The following NBPF26 variants were observed in gnomAD, a reference collection of about 807,000 sequenced individuals.
The protein encoded by NBPF26 is NBPF member 26.
NBPF26 carries 79 observed loss-of-function variants against 119.6 expected under a neutral mutation model. The ratio of observed to expected loss-of-function variants is 0.66; its 90% CI spans 0.55 to 0.80. The LOEUF is 0.80. Among genes scored for constraint, NBPF26 ranks in the 30% least tolerant of loss-of-function variants. The pLI is 0.00. For missense variants in NBPF26, 800 were observed against 1,198.2 expected (o/e 0.67, Z 4.91); for synonymous variants, 299 against 457.7 (o/e 0.65, Z 4.43).
downstream of NBPF26, chr1:120,840,694 A>T (rs1553273621): frequency 9.2e-6 from 12 of 1,303,310 alleles, no homozygotes; most frequent in East Asian, 1.6e-4. Flanking sequence ...GCCCAGACAT[A>T]GGATGGTTCA....
rs1210410475 is a variant in NBPF26, at chr1:120,767,832, G to T, written c.155+4123G>T. ...TCACTAGGATTCTGGGGGTAGGTTA[G>T]GTTATGATTTGTATAATTGACAAAA... On this transcript the variant is annotated intron_variant, in intron 2 of 29. Coordinates refer to ENST00000620612, the Ensembl canonical transcript of NBPF26. Among the ~76,000 whole-genome samples, 6 of 110,772 alleles carry T rather than the reference G, an allele frequency of 5.4e-5. 1 individual carries two copies. Among genetic ancestry groups the T allele is most frequent in the Non-Finnish European group, 1.7e-5 (1 of 58,622 alleles). 72.7% of individuals were successfully genotyped at this position (110,772 alleles called of 152,430 possible).
intron 14 of NBPF26, 107 bp downstream of exon 14, chr1:120,816,934 G>A (rs1433219951): frequency 8.8e-7 from 1 of 1,132,038 alleles, no homozygotes; most frequent in East Asian, 2.4e-5. Context: ...AAACTGTGAT[G>A]GGTTTCTAAA....
rs1553273576 is a variant in NBPF26, at chr1:120,840,575, A to T, written c.4329A>T (p.Gly1443=). ...GTCTCCACCTGGTGTTCCAGATGGGAGTCATATTCCCACAATAAGCAGCCC... is the reference window on the plus strand; with the variant it reads ...GTCTCCACCTGGTGTTCCAGATGGGTGTCATATTCCCACAATAAGCAGCCC... The change falls in exon 30 of 30, where the codon GGA becomes GGT. Residue 1443 remains glycine (G), a synonymous_variant. Coordinates refer to ENST00000620612, the Ensembl canonical transcript of NBPF26. 5.7e-5 allele frequency: 84 copies of T among 1,464,436 alleles called. 5 individuals carry two copies. In the East Asian group the frequency reaches 1.8e-3, roughly 31 times the overall value. The allele number at this position is 1,464,436 out of a possible 1,614,324, so 90.7% of individuals were successfully genotyped here. A position where few individuals can be genotyped will look rare whatever the true frequency, so the allele number is the denominator to read the frequency against.
chr1:120,822,485 C>T (rs1281040821), intron 16 of NBPF26, among the ~76,000 whole-genome samples: 1 of 105,590 alleles, frequency 9.5e-6, no homozygotes, highest in South Asian at 2.8e-4. Context: ...CAGGCCATGC[C>T]CGTGCCAACC....
chr1:120,808,069 G>GA, intron 6 of NBPF26, among the ~76,000 whole-genome samples: 1 of 119,930 alleles, frequency 8.3e-6, no homozygotes, highest in Non-Finnish European at 1.7e-5. Context: ...CTGACTGACT[G>GA]CGGCTTCTCA....
At position 120,763,775 on chromosome 1, in the gene NBPF26, C is replaced by G. The variant is rs1248949183; in HGVS notation, c.155+66C>G. The G allele has an allele frequency of 4.6e-6, 3 of 654,580 alleles. 1 individual carries two copies. Among genetic ancestry groups the G allele is most frequent in the Non-Finnish European group, 8.0e-6 (3 of 372,840 alleles). 40.5% of individuals were successfully genotyped at this position (654,580 alleles called of 1,614,324 possible). A position where few individuals can be genotyped will look rare whatever the true frequency, so the allele number is the denominator to read the frequency against. On this transcript the variant is annotated intron_variant, in intron 2 of 29. Coordinates refer to ENST00000620612, the Ensembl canonical transcript of NBPF26. ...CACTGGACAAGATTTGATTCTACTC[C>G]TCTATTTTTAATGCTTCTGTGGAAT...
rs1372542474 is a variant in NBPF26, at chr1:120,730,572, G to A, written c.73+6322G>A. Among the ~76,000 whole-genome samples, 12 of 112,662 alleles carry A rather than the reference G, an allele frequency of 1.1e-4. 3 individuals carry two copies. Among genetic ancestry groups the A allele is most frequent in the Admixed American group, 5.1e-4 (6 of 11,700 alleles). The allele number at this position is 112,662 out of a possible 152,430, so 73.9% of individuals were successfully genotyped here. On this transcript the variant is annotated intron_variant, in intron 1 of 29. Transcript: ENST00000620612. ...CACTGGTAGTGGTAGGAGGTTTGCC[G>A]TAGATCTGTTTTTTCTCCTGTCTCA...
chr1:120,815,233 G>A (rs1651982028), intron 12 of NBPF26, among the ~76,000 whole-genome samples, 190 bp downstream of exon 12: 1 of 113,754 alleles, frequency 8.8e-6, no homozygotes, highest in East Asian at 2.2e-4. Flanking sequence ...TCACAGTATT[G>A]CAAGTGTCCC....
chr1:120,822,880 A>G lies in NBPF26; in HGVS notation c.2588-429A>G, dbSNP rs1206239873. 1.7e-4 allele frequency among the ~76,000 whole-genome samples: 21 copies of G among 121,044 alleles called. 6 individuals are homozygous for G. The highest frequency in any genetic ancestry group is 3.8e-4 in the African/African-American group (9 of 23,428). 79.4% of individuals were successfully genotyped at this position (121,044 alleles called of 152,430 possible). Reference sequence around the variant, plus strand: ...ATGCTTCTGTGTAGAACCAAGTTTCATTTTGACTCAAGAGCTGGTACATTG... The same window carrying G: ...ATGCTTCTGTGTAGAACCAAGTTTCGTTTTGACTCAAGAGCTGGTACATTG... On this transcript the variant is annotated intron_variant, in intron 16 of 29. Transcript: ENST00000620612.
intron 4 of NBPF26, chr1:120,805,335 T>G: frequency 4.8e-6 from 5 of 1,041,638 alleles, no homozygotes; most frequent in Non-Finnish European, 6.8e-6. Context: ...TCTGCCTCAC[T>G]CTTATCAGAG....
chr1:120,820,458 A>ATATATGTATATATATATG (rs1652108231), intron 15 of NBPF26, among the ~76,000 whole-genome samples: 2 of 17,940 alleles, frequency 1.1e-4, no homozygotes, highest in African/African-American at 4.0e-4. Flanking sequence ...ATATATATAT[A>ATATATGTATATATATATG]TATATATATA....
At position 120,823,970 on chromosome 1, in the gene NBPF26, C is replaced by T; in HGVS notation, c.2640-4C>T. On this transcript the variant is annotated splice_polypyrimidine_tract_variant and splice_region_variant and intron_variant, in intron 17 of 29. Transcript: ENST00000620612. ...TTATTCTTTACTTTTTCCCACTTTT[C>T]CAGGCTCAGCAGAGAGCTGCTGGAT... The T allele has an allele frequency of 5.0e-6, 4 of 807,994 alleles. 1 individual carries two copies. Among genetic ancestry groups the T allele is most frequent in the East Asian group, 2.6e-5 (1 of 37,894 alleles). 50.1% of individuals were successfully genotyped at this position (807,994 alleles called of 1,614,324 possible). A position where few individuals can be genotyped will look rare whatever the true frequency, so the allele number is the denominator to read the frequency against.
chr1:120,815,345 A>G lies in NBPF26; in HGVS notation c.2092+302A>G, dbSNP rs1323939063. On this transcript the variant is annotated intron_variant, in intron 12 of 29. Transcript: ENST00000620612. ...GATGGGAGCAGGCTTGTTAGAGTGA[A>G]AAGAGCTCTGGACTAAGAATGAAGG... Among the ~76,000 whole-genome samples, 4 of 116,374 alleles carry G rather than the reference A, an allele frequency of 3.4e-5. 1 individual carries two copies. The highest frequency in any genetic ancestry group is 1.6e-4 in the Admixed American group (2 of 12,198). 76.3% of individuals were successfully genotyped at this position (116,374 alleles called of 152,430 possible).
At position 120,818,620 on chromosome 1, in the gene NBPF26, A is replaced by G. The variant is rs1441500109; in HGVS notation, c.2423+446A>G. 1.6e-5 allele frequency among the ~76,000 whole-genome samples: 2 copies of G among 125,906 alleles called. 1 individual carries two copies. Among genetic ancestry groups the G allele is most frequent in the African/African-American group, 7.4e-5 (2 of 26,874 alleles). The allele number at this position is 125,906 out of a possible 152,430, so 82.6% of individuals were successfully genotyped here. A position where few individuals can be genotyped will look rare whatever the true frequency, so the allele number is the denominator to read the frequency against. On this transcript the variant is annotated intron_variant, in intron 15 of 29. Transcript: ENST00000620612. ...TTTCTGCTTTCTCTTGTGGGCATTTAGTGCTATAATTTTCCCTCTACACAT... is the reference window on the plus strand; with the variant it reads ...TTTCTGCTTTCTCTTGTGGGCATTTGGTGCTATAATTTTCCCTCTACACAT...
rs1218291633 is a variant in NBPF26, at chr1:120,822,054, A to T, written c.2424-50A>T. ...ATCATCTGGGAGGTTTTGTTGTCTA[A>T]AGTCTGTTGGTTAAATCTTCTGTCA... is the stretch of plus-strand genomic sequence containing the variant. On this transcript the variant is annotated intron_variant, in intron 15 of 29. Coordinates refer to ENST00000620612, the Ensembl canonical transcript of NBPF26. 2 of 1,446,386 alleles carry T rather than the reference A, an allele frequency of 1.4e-6. 1 individual carries two copies. Among genetic ancestry groups the T allele is most frequent in the Non-Finnish European group, 1.8e-6 (2 of 1,082,264 alleles). 89.6% of individuals were successfully genotyped at this position (1,446,386 alleles called of 1,614,324 possible).
Position 120,818,703 on chromosome 1 carries a change from A to C in NBPF26, c.2423+529A>C, listed in dbSNP as rs1204995737. 2.4e-5 allele frequency among the ~76,000 whole-genome samples: 3 copies of C among 123,716 alleles called. 1 individual carries two copies. Among genetic ancestry groups the C allele is most frequent in the Non-Finnish European group, 4.9e-5 (3 of 60,914 alleles). The allele number at this position is 123,716 out of a possible 152,430, so 81.2% of individuals were successfully genotyped here. ...TTGTATCTTTGTTCTCATTGGTTTC[A>C]AAGAACATCTTTATTTCTGCCTTCA... On this transcript the variant is annotated intron_variant, in intron 15 of 29. Coordinates refer to ENST00000620612, the Ensembl canonical transcript of NBPF26.
At chr1:120,814,790 C>A (rs1406808077) in intron 11 of NBPF26, 39 bp from the exon 12 acceptor site, 1 of 1,257,136 alleles carries the variant, frequency 8.0e-7, no homozygotes, top group South Asian at 1.2e-5. Context: ...ATCACTCAAC[C>A]CTTTCTACTC....
chr1:120,800,461 G>C (rs1433104859), intron 4 of NBPF26, among the ~76,000 whole-genome samples: 1 of 62,986 alleles, frequency 1.6e-5, no homozygotes, highest in Non-Finnish European at 2.7e-5. Flanking sequence ...GAACATTCTT[G>C]TATAATTTTT....
At chr1:120,743,717 G>A (rs1287149284) in intron 1 of NBPF26, among the ~76,000 whole-genome samples, 1 of 111,070 alleles carries the variant, frequency 9.0e-6, no homozygotes, top group Non-Finnish European at 1.8e-5. Flanking sequence ...TTCATTTTTT[G>A]AGAACTAATG....
Sources: allele counts gnomAD v4.1 joint callset (sites outside exome capture counted in the v4.1 genomes callset), GRCh38; gene constraint gnomAD v4.1.1; transcripts MANE v1.5; gene names NCBI Gene and HGNC (gene_info 2026-07-23, HGNC 2026-07-21).